Variants in CA10 observed in about 807,000 individuals in gnomAD.
CA10 encodes carbonic anhydrase-related protein 10.
Under a neutral mutation model 44.2 loss-of-function variants are expected in CA10, and 14 were observed. That is an observed-to-expected ratio of 0.32 (90% CI 0.21 to 0.50). The LOEUF (loss-of-function observed/expected upper bound fraction) is 0.50, where lower values mean the gene tolerates loss of function less well. Ranked by LOEUF, CA10 falls within the 20% of genes least tolerant of loss-of-function variation. CA10 has a pLI of 0.99. For missense variants in CA10, 350 were observed against 409.7 expected (o/e 0.85, Z 1.26); for synonymous variants, 159 against 141.6 (o/e 1.12, Z -0.87).
At chr17:51,867,474 T>G (rs1450785020) in intron 3 of CA10, among the ~76,000 whole-genome samples, 1 of 152,176 alleles carries the variant, frequency 6.6e-6, no homozygotes, top group Non-Finnish European at 1.5e-5. Context: ...GTTCTTTAAA[T>G]TCTTTAAGTC....
At chr17:52,051,012 G>C (rs574085974) in intron 2 of CA10, among the ~76,000 whole-genome samples, 9 of 149,488 alleles carry the variant, frequency 6.0e-5, no homozygotes, top group Admixed American at 1.3e-4. Context: ...AAGGAAGGAA[G>C]GAACGAAGGA....
At chr17:51,675,729 A>T (rs181607122) in intron 4 of CA10, among the ~76,000 whole-genome samples, 1 of 152,188 alleles carries the variant, frequency 6.6e-6, no homozygotes, top group Non-Finnish European at 1.5e-5. Flanking sequence ...AAAAAAAACA[A>T]AAACAAAAAA....
At chr17:51,835,448 T>A (rs781206496) in intron 3 of CA10, among the ~76,000 whole-genome samples, 1 of 152,228 alleles carries the variant, frequency 6.6e-6, no homozygotes, top group Non-Finnish European at 1.5e-5. Context: ...TTCTTAAACA[T>A]CCCAGCTATC....
intron 1 of CA10, among the ~76,000 whole-genome samples, chr17:52,107,910 C>A (rs2143272315): frequency 6.6e-6 from 1 of 152,186 alleles, no homozygotes; most frequent in Admixed American, 6.5e-5. Flanking sequence ...GGAAGAACTT[C>A]TTTTCTACTA....
At chr17:51,798,128 T>A (rs1406123722) in intron 3 of CA10, among the ~76,000 whole-genome samples, 3 of 152,220 alleles carry the variant, frequency 2.0e-5, no homozygotes, top group Non-Finnish European at 4.4e-5. Flanking sequence ...TGTCCCTTAA[T>A]GATGGCCACA....
intron 1 of CA10, among the ~76,000 whole-genome samples, chr17:52,113,049 C>T (rs143347948): frequency 1.3e-5 from 2 of 152,324 alleles, no homozygotes; most frequent in African/African-American, 4.8e-5. Context: ...CCTAACAACC[C>T]TGGCAAAACA....
intron 1 of CA10, among the ~76,000 whole-genome samples, chr17:52,148,040 G>T (rs775866477): frequency 3.3e-5 from 5 of 152,102 alleles, no homozygotes; most frequent in Non-Finnish European, 7.3e-5. Context: ...GCTCTTCTCT[G>T]GTAAGAACTA....
intron 2 of CA10, among the ~76,000 whole-genome samples, chr17:51,995,415 A>G (rs953290961): frequency 6.6e-6 from 1 of 152,120 alleles, no homozygotes; most frequent in African/African-American, 2.4e-5. Flanking sequence ...TATATGGGGT[A>G]GCATTTTTTA....
At chr17:51,906,664 C>T (rs904696717) in intron 3 of CA10, among the ~76,000 whole-genome samples, 2 of 152,124 alleles carry the variant, frequency 1.3e-5, no homozygotes, top group African/African-American at 2.4e-5. Context: ...TTTGACATTT[C>T]TATTTGCATG....
At chr17:51,998,567 A>C (rs1161379440) in intron 2 of CA10, among the ~76,000 whole-genome samples, 2 of 151,816 alleles carry the variant, frequency 1.3e-5, no homozygotes, top group African/African-American at 4.8e-5. Flanking sequence ...AATGCTCTAA[A>C]CTCTGGCAGT....
intron 1 of CA10, among the ~76,000 whole-genome samples, chr17:52,080,740 CT>C (rs1055892723): frequency 3.1e-4 from 47 of 152,124 alleles, no homozygotes; most frequent in African/African-American, 1.1e-3. Flanking sequence ...CCCGAAATTC[CT>C]TCTTTGTCTA....
intron 1 of CA10, among the ~76,000 whole-genome samples, chr17:52,148,444 A>C (rs888980700): frequency 4.6e-5 from 7 of 152,214 alleles, no homozygotes; most frequent in African/African-American, 1.7e-4. Context: ...AAGTGCCCCA[A>C]ATAAGGATGA....
At chr17:51,717,359 A>G (rs11658669) in intron 4 of CA10, among the ~76,000 whole-genome samples, 86 of 151,966 alleles carry the variant, frequency 5.7e-4, no homozygotes, top group African/African-American at 2.0e-3. Flanking sequence ...AGGAAAATGA[A>G]CCATGTGATT....
At chr17:52,015,286 G>C (rs1214370778) in intron 2 of CA10, among the ~76,000 whole-genome samples, 1 of 152,038 alleles carries the variant, frequency 6.6e-6, no homozygotes, top group Non-Finnish European at 1.5e-5. Flanking sequence ...ATCATGCCGG[G>C]GTTGGGTCAT....
chr17:51,800,444 CA>C (rs1037000917), intron 3 of CA10, among the ~76,000 whole-genome samples: 11 of 150,920 alleles, frequency 7.3e-5, no homozygotes, highest in South Asian at 2.1e-4. Context: ...TGTGGATGTA[CA>C]AAAAAAACAT....
chr17:51,973,956 A>G (rs772820176), intron 2 of CA10, among the ~76,000 whole-genome samples: 1 of 152,174 alleles, frequency 6.6e-6, no homozygotes, highest in Non-Finnish European at 1.5e-5. Flanking sequence ...GCTATCATAA[A>G]TATGTTCAAT....
chr17:51,643,462 G>A (rs1280136073), intron 6 of CA10, among the ~76,000 whole-genome samples: 1 of 152,118 alleles, frequency 6.6e-6, no homozygotes, highest in East Asian at 1.9e-4. Flanking sequence ...AATAAAATGG[G>A]TTTTCTTTAG....
chr17:51,972,472 A>G (rs923895869), intron 2 of CA10, among the ~76,000 whole-genome samples: 2 of 152,094 alleles, frequency 1.3e-5, no homozygotes, highest in Non-Finnish European at 2.9e-5. Context: ...TTATAGATAC[A>G]GAGATTAATA....
intron 2 of CA10, among the ~76,000 whole-genome samples, chr17:52,017,938 C>T (rs190495777): frequency 9.9e-5 from 15 of 152,222 alleles, no homozygotes; most frequent in South Asian, 4.1e-4. Flanking sequence ...TTCCTGGCTG[C>T]GGCTCAAGGC....
Sources: gnomAD v4.1 joint callset for allele counts (sites outside exome capture counted in the v4.1 genomes callset) on GRCh38, gnomAD v4.1.1 for gene constraint, MANE v1.5 for transcripts, NCBI Gene and HGNC (gene_info 2026-07-23, HGNC 2026-07-21) for gene names.